Variants in TPRG1 observed in about 807,000 individuals in gnomAD.
The protein encoded by TPRG1 is tumor protein p63-regulated gene 1 protein.
In TPRG1, 29 loss-of-function variants were observed where a neutral mutation model predicts 29.3. The ratio of observed to expected loss-of-function variants is 0.99; its 90% CI spans 0.74 to 1.35. TPRG1 has a LOEUF of 1.35. Ranked by LOEUF, TPRG1 falls within the 40% of genes most tolerant of loss-of-function variation. The pLI, the probability that TPRG1 is intolerant of heterozygous loss-of-function variation, is 0.00. For missense variants in TPRG1, 327 were observed against 335.0 expected, an observed-to-expected ratio of 0.98 and a Z score of 0.19; for synonymous variants, 130 against 116.8, an observed-to-expected ratio of 1.11 and a Z score of -0.73.
At chr3:189,275,541 AG>A (rs1326457561) in intron 4 of TPRG1, among the ~76,000 whole-genome samples, 2 of 152,204 alleles carry the variant, frequency 1.3e-5, no homozygotes, top group East Asian at 1.9e-4. Context: ...TTAGAGGGAA[AG>A]GCTATTCCAG....
intron 1 of TPRG1, among the ~76,000 whole-genome samples, chr3:188,997,836 CTGTACT>C (rs1711882443): frequency 6.6e-6 from 1 of 152,156 alleles, no homozygotes; most frequent in African/African-American, 2.4e-5. Flanking sequence ...ATTTTCTCCT[CTGTACT>C]TCCTCCCCTT....
At chr3:189,172,289 A>G (rs1728907001) in intron 1 of TPRG1, among the ~76,000 whole-genome samples, 158 bp downstream of exon 1, 1 of 152,154 alleles carries the variant, frequency 6.6e-6, no homozygotes, top group African/African-American at 2.4e-5. Context: ...AAATTTCCCT[A>G]TTCTTCCTTA....
intron 4 of TPRG1, among the ~76,000 whole-genome samples, chr3:189,034,030 T>C (rs1445100671): frequency 6.6e-6 from 1 of 152,232 alleles, no homozygotes; most frequent in Non-Finnish European, 1.5e-5. Context: ...TTTAAAATAT[T>C]GATGGTTTAC....
At chr3:189,306,664 G>T (rs1721669757) in intron 4 of TPRG1, among the ~76,000 whole-genome samples, 1 of 152,122 alleles carries the variant, frequency 6.6e-6, no homozygotes, top group Non-Finnish European at 1.5e-5. Context: ...TTCAAAAGTA[G>T]CTCAAAATTA....
At chr3:189,234,938 T>A (rs78147612) in intron 3 of TPRG1, among the ~76,000 whole-genome samples, 2,226 of 152,240 alleles carry the variant, frequency 0.015, 55 homozygotes, top group African/African-American at 0.05. Flanking sequence ...CTCAGCTCTG[T>A]CAGAGTTAAC....
At chr3:189,116,502 T>G (rs1180428549) in intron 1 of TPRG1, among the ~76,000 whole-genome samples, 1 of 152,192 alleles carries the variant, frequency 6.6e-6, no homozygotes. Context: ...ACACCCATAT[T>G]CATAGCAGCA....
At chr3:189,308,313 C>T (rs1360230822) in intron 4 of TPRG1, among the ~76,000 whole-genome samples, 1 of 152,180 alleles carries the variant, frequency 6.6e-6, no homozygotes, top group East Asian at 1.9e-4. Flanking sequence ...TCCACTCTGT[C>T]GCCTCCCAGG....
rs909153375 is a variant in TPRG1 at position 188,998,935 on chromosome 3, T to A, written c.-1015-1839T>A. On this transcript the variant is annotated intron_variant, in intron 1 of 10. Coordinates refer to the TPRG1 transcript ENST00000433971. Reference sequence around the variant, plus strand: ...GTGACTATAGTTAACAGTAATTTGTTGTGTATTTCAAAGTAGCCAGAAGGG... The same window carrying A: ...GTGACTATAGTTAACAGTAATTTGTAGTGTATTTCAAAGTAGCCAGAAGGG... Among the ~76,000 whole-genome samples the A allele has an allele frequency of 5.3e-5, 8 of 152,330 alleles. No homozygotes were observed. In the East Asian group the frequency reaches 1.5e-3, roughly 29 times the overall value.
chr3:188,997,822 G>A (rs1464258612), intron 1 of TPRG1, among the ~76,000 whole-genome samples: 3 of 152,038 alleles, frequency 2.0e-5, no homozygotes, highest in East Asian at 3.9e-4. Context: ...GTATAAAAAG[G>A]GAAATTTTCT....
Position 189,031,708 on chromosome 3 carries a change from C to G in TPRG1, c.-463+7762C>G, listed in dbSNP as rs986566270. Among the ~76,000 whole-genome samples the G allele has an allele frequency of 3.3e-5, 5 of 152,126 alleles. No individual in the cohort carries two copies. The East Asian group carries it at 5.8e-4, about 18-fold the overall frequency. On this transcript the variant is annotated intron_variant, in intron 4 of 10. Transcript: ENST00000433971. ...TTCTTTAATGAGACGGTTGGTGATTCACTCTGTGGAGGAGTGGTTGAGATG... is the reference window on the plus strand; with the variant it reads ...TTCTTTAATGAGACGGTTGGTGATTGACTCTGTGGAGGAGTGGTTGAGATG...
At chr3:189,100,073 G>A (rs1280617702), upstream of TPRG1, 3 of 152,318 alleles carry the variant, frequency 2.0e-5, no homozygotes, top group Admixed American at 6.5e-5. Context: ...AAAAGAAGGA[G>A]CCAAATAAAA....
At chr3:189,057,861 CAT>C (rs1415667629) in intron 4 of TPRG1, among the ~76,000 whole-genome samples, 1 of 108,488 alleles carries the variant, frequency 9.2e-6, no homozygotes, top group African/African-American at 6.0e-5. Context: ...TATATACACA[CAT>C]ACGTATGTGT....
chr3:189,096,476 G>A (rs1208899427), upstream of TPRG1, among the ~76,000 whole-genome samples: 1 of 152,132 alleles, frequency 6.6e-6, no homozygotes, highest in Non-Finnish European at 1.5e-5. Context: ...TATAAGAGCT[G>A]GATTCCTCAT....
At chr3:189,132,149 C>T (rs954426840) in intron 2 of TPRG1, among the ~76,000 whole-genome samples, 2 of 152,176 alleles carry the variant, frequency 1.3e-5, no homozygotes, top group African/African-American at 2.4e-5. Flanking sequence ...AACTTGGTCT[C>T]TTCTTTTCTT....
intron 4 of TPRG1, among the ~76,000 whole-genome samples, chr3:189,069,484 A>G (rs965916158): frequency 6.6e-6 from 1 of 152,148 alleles, no homozygotes; most frequent in Admixed American, 6.5e-5. Context: ...ATAGTTTAAG[A>G]TCTTACTTTT....
At chr3:189,111,640 A>G (rs1720540178) in intron 1 of TPRG1, among the ~76,000 whole-genome samples, 1 of 152,166 alleles carries the variant, frequency 6.6e-6, no homozygotes, top group South Asian at 2.1e-4. Context: ...ATTAAAATAG[A>G]CATTTCAGGA....
At chr3:189,065,341 T>C (rs189613045) in intron 4 of TPRG1, among the ~76,000 whole-genome samples, 10 of 152,274 alleles carry the variant, frequency 6.6e-5, no homozygotes, top group African/African-American at 2.4e-4. Context: ...AGTACTCTGA[T>C]ACCAATACCA....
chr3:189,279,358 C>G (rs1477203008), intron 4 of TPRG1, among the ~76,000 whole-genome samples: 1 of 152,022 alleles, frequency 6.6e-6, no homozygotes, highest in East Asian at 1.9e-4. Flanking sequence ...TCTGCAAATT[C>G]CAGGACATCA....
intron 3 of TPRG1, among the ~76,000 whole-genome samples, chr3:189,009,061 C>T (rs890245631): frequency 1.3e-5 from 2 of 151,982 alleles, no homozygotes; most frequent in African/African-American, 4.8e-5. Flanking sequence ...TCATTTGATA[C>T]CATAGAACTA....
Sources: gnomAD v4.1 joint callset for allele counts (sites outside exome capture counted in the v4.1 genomes callset) on GRCh38, gnomAD v4.1.1 for gene constraint, MANE v1.5 for transcripts, NCBI Gene and HGNC (gene_info 2026-07-23, HGNC 2026-07-21) for gene names.